Variants in YTHDC1 observed in about 807,000 individuals in gnomAD.
The protein encoded by YTHDC1 is YTH domain-containing protein 1.
YTHDC1 carries 12 observed loss-of-function variants against 107.0 expected under a neutral mutation model. That is an observed-to-expected ratio of 0.11 (90% CI 0.07 to 0.18). The LOEUF (loss-of-function observed/expected upper bound fraction) is 0.18, where lower values mean the gene tolerates loss of function less well. YTHDC1 is among the 10% of genes least tolerant of loss of function. The pLI is 1.00. For missense variants in YTHDC1, 635 were observed against 898.8 expected (o/e 0.71, Z 3.75); for synonymous variants, 280 against 289.5 (o/e 0.97, Z 0.33).
intron 16 of YTHDC1, among the ~76,000 whole-genome samples, chr4:68,315,468 CTAAGTAGGGAGTGGAAAA>C (rs1297429338): frequency 6.6e-6 from 1 of 152,144 alleles, no homozygotes; most frequent in East Asian, 1.9e-4. Context: ...ACTCATCAAC[CTAAGTAGGGAGTGGAAAA>C]AAATTCTAAC....
chr4:68,318,099 G>A (rs1255802676), intron 15 of YTHDC1, among the ~76,000 whole-genome samples: 2 of 152,094 alleles, frequency 1.3e-5, no homozygotes, highest in Non-Finnish European at 2.9e-5. Context: ...TCAAAAATCT[G>A]TATTTTAAGT....
At chr4:68,327,785 G>C (rs1005792455) in intron 9 of YTHDC1, among the ~76,000 whole-genome samples, 1 of 152,104 alleles carries the variant, frequency 6.6e-6, no homozygotes, top group African/African-American at 2.4e-5. Flanking sequence ...AAACTCAAGA[G>C]AGTTCAAGTG....
chr4:68,313,182 G>C lies in YTHDC1; in HGVS notation c.*917C>G, dbSNP rs1018871899. ...TAAGCTTTTAATGCAACAGGCCTAG[G>C]TCAATCATTTCTGCTAAAGTGTGCC... On this transcript the variant is annotated 3_prime_UTR_variant, in exon 17 of 17. Transcript: ENST00000344157. The C allele has an allele frequency of 1.3e-4, 20 of 152,100 alleles. No homozygotes were observed. Among genetic ancestry groups the C allele is most frequent in the Admixed American group, 5.2e-4 (8 of 15,270 alleles). The allele number at this position is 152,100 out of a possible 1,614,324, so 9.4% of individuals were successfully genotyped here.
At chr4:68,348,922 A>T (rs1158316867) in intron 1 of YTHDC1, among the ~76,000 whole-genome samples, 1 of 152,230 alleles carries the variant, frequency 6.6e-6, no homozygotes, top group Non-Finnish European at 1.5e-5. Flanking sequence ...CTGATCTAGG[A>T]CCTACATTAA....
chr4:68,339,467 C>T (rs1156766557), intron 1 of YTHDC1, among the ~76,000 whole-genome samples: 3 of 152,152 alleles, frequency 2.0e-5, no homozygotes, highest in Non-Finnish European at 2.9e-5. Flanking sequence ...GAGTAAGTAG[C>T]AATGTTATTT....
chr4:68,341,321 A>T (rs569549528), intron 1 of YTHDC1, among the ~76,000 whole-genome samples: 1 of 152,304 alleles, frequency 6.6e-6, no homozygotes, highest in East Asian at 1.9e-4. Flanking sequence ...ATATACTAGA[A>T]CATAAATTTC....
intron 1 of YTHDC1, among the ~76,000 whole-genome samples, chr4:68,343,427 C>T (rs1460318978): frequency 6.6e-6 from 1 of 151,232 alleles, no homozygotes; most frequent in African/African-American, 2.4e-5. Context: ...TTCTCGAACT[C>T]CTGACCTCAG....
rs1287068156 is a variant in YTHDC1, at chr4:68,337,126, T to A, written c.784A>T (p.Asn262Tyr). Reference protein sequence around the residue: ...QDERDQKEEGNDYDTRSEASD... With the variant: ...QDERDQKEEGYDYDTRSEASD... ...GCCTCACTTCGAGTGTCATAATCATTTCCCTCCTCTTTCTGGTCTCTCTCA... is the reference window on the plus strand; with the variant it reads ...GCCTCACTTCGAGTGTCATAATCATATCCCTCCTCTTTCTGGTCTCTCTCA... The change falls in exon 4 of 17, where the codon AAT (asparagine) becomes TAT (tyrosine). Residue 262 changes from asparagine (N) to tyrosine (Y), a missense_variant. This residue lies in a region of YTHDC1 where 294 missense variants were observed against 312.3 expected (regional missense o/e 0.94). Coordinates refer to ENST00000344157, the MANE Select transcript of YTHDC1 (RefSeq NM_001031732.4). 1 of 1,613,782 alleles carries A rather than the reference T, an allele frequency of 6.2e-7. No individual in the cohort carries two copies. Among genetic ancestry groups the A allele is most frequent in the African/African-American group, 1.3e-5 (1 of 74,834 alleles).
chr4:68,326,925 T>C (rs1057061877), intron 9 of YTHDC1, among the ~76,000 whole-genome samples: 12 of 151,300 alleles, frequency 7.9e-5, no homozygotes, highest in Non-Finnish European at 1.5e-4. Context: ...CAGTGGTTTG[T>C]TGATTAAAGT....
At chr4:68,337,928 A>G (rs72651910) in intron 2 of YTHDC1, 28 bp from the exon 3 acceptor site, 157,754 of 1,581,866 alleles carry the variant, frequency 0.1, 7,146 homozygotes, top group South Asian at 0.11. Flanking sequence ...AAAAAAAAAA[A>G]AAGAAGTATT....
At position 68,349,994 on chromosome 4, in the gene YTHDC1, G is replaced by C. The variant is rs1312664408; in HGVS notation, c.-241C>G. The C allele has an allele frequency of 2.1e-5, 13 of 604,716 alleles. No individual in the cohort carries two copies. The highest frequency in any genetic ancestry group is 6.0e-5 in the Admixed American group (2 of 33,534). The allele number at this position is 604,716 out of a possible 1,614,324, so 37.5% of individuals were successfully genotyped here. ...AGCCTTCTCGTTAGGGCTCAGACTCGGGCTAGGTATGGGGGAGGGAAGGGA... is the reference window on the plus strand; with the variant it reads ...AGCCTTCTCGTTAGGGCTCAGACTCCGGCTAGGTATGGGGGAGGGAAGGGA... On this transcript the variant is annotated 5_prime_UTR_variant, in exon 1 of 17. Coordinates refer to ENST00000344157, the MANE Select transcript of YTHDC1 (RefSeq NM_001031732.4).
rs368370510 is a variant in YTHDC1 at position 68,315,925 on chromosome 4, CTAACT to C, written c.1959+384_1959+388del. 3.0e-3 allele frequency: 468 copies of C among 154,820 alleles called. 2 individuals carry two copies. The highest frequency in any genetic ancestry group is 0.011 in the African/African-American group (441 of 41,636). The allele number at this position is 154,820 out of a possible 1,614,324, so 9.6% of individuals were successfully genotyped here. A position where few individuals can be genotyped will look rare whatever the true frequency, so the allele number is the denominator to read the frequency against. On this transcript the variant is annotated intron_variant, in intron 16 of 16. Coordinates refer to ENST00000344157, the MANE Select transcript of YTHDC1 (RefSeq NM_001031732.4). Reference sequence around the variant, plus strand: ...ACTAAATGAGATTACAGCTTATCAGCTAACTTAATATACACGATCTATCCTAGAAA... The same window carrying C: ...ACTAAATGAGATTACAGCTTATCAGCTAATATACACGATCTATCCTAGAAA...
chr4:68,329,626 T>C (rs1194377143), intron 9 of YTHDC1, among the ~76,000 whole-genome samples: 1 of 151,902 alleles, frequency 6.6e-6, no homozygotes, highest in African/African-American at 2.4e-5. Flanking sequence ...CAACTAAACA[T>C]CATTTGCTAA....
chr4:68,337,497 G>A (rs373744979), intron 3 of YTHDC1, 47 bp from the exon 4 acceptor site: 3 of 1,602,068 alleles, frequency 1.9e-6, no homozygotes, highest in African/African-American at 1.3e-5. Context: ...AAAAGACAAG[G>A]TCAGGGTGAA....
In YTHDC1 at chr4:68,349,812, GGGCGCCGC is replaced by G; in HGVS notation, c.-67_-60del. 1 of 1,609,692 alleles carries G rather than the reference GGGCGCCGC, an allele frequency of 6.2e-7. No individual in the cohort carries two copies. The highest frequency in any genetic ancestry group is 8.5e-7 in the Non-Finnish European group (1 of 1,178,006). Reference sequence around the variant, plus strand: ...GCCGCCGCTTAGACGCGACTCGCGCGGGCGCCGCAGCCGCGGCAGAAGCACGGGCCCGT... The same window carrying G: ...GCCGCCGCTTAGACGCGACTCGCGCGAGCCGCGGCAGAAGCACGGGCCCGT... On this transcript the variant is annotated 5_prime_UTR_variant, in exon 1 of 17. Transcript: ENST00000344157.
At chr4:68,330,180 T>G in intron 8 of YTHDC1, 22 bp downstream of exon 8, 1 of 1,574,330 alleles carries the variant, frequency 6.4e-7, no homozygotes, top group Non-Finnish European at 8.7e-7. Context: ...TTTTTATATG[T>G]CCAAATTATT....
chr4:68,323,872 A>G (rs1035958434), intron 10 of YTHDC1, among the ~76,000 whole-genome samples: 8 of 152,198 alleles, frequency 5.3e-5, no homozygotes, highest in African/African-American at 1.9e-4. Flanking sequence ...ATATAGTCAA[A>G]ACAAATTTAA....
intron 4 of YTHDC1, among the ~76,000 whole-genome samples, chr4:68,334,200 T>A (rs1723904281): frequency 6.6e-6 from 1 of 152,180 alleles, no homozygotes. Flanking sequence ...TTTACCATGA[T>A]AAGCTCCTTT....
At chr4:68,334,062 A>G (rs1228239876) in intron 4 of YTHDC1, among the ~76,000 whole-genome samples, 1 of 152,140 alleles carries the variant, frequency 6.6e-6, no homozygotes, top group Non-Finnish European at 1.5e-5. Flanking sequence ...AATCTTCAGT[A>G]AATAGAAAAG....
Sources: gnomAD v4.1 joint callset for allele counts (sites outside exome capture counted in the v4.1 genomes callset) on GRCh38, gnomAD v4.1.1 for gene constraint, gnomAD v4.1.1 regional missense constraint, MANE v1.5 for transcripts, NCBI Gene and HGNC (gene_info 2026-07-23, HGNC 2026-07-21) for gene names.